The following DGKD variants were observed in gnomAD, a reference collection of about 807,000 sequenced individuals.
DGKD encodes DAG kinase delta.
In DGKD, 68 loss-of-function variants were observed where a neutral mutation model predicts 154.4. That is an observed-to-expected ratio of 0.44 (90% CI 0.36 to 0.54). DGKD has a LOEUF of 0.54. Ranked by LOEUF, DGKD falls within the 20% of genes least tolerant of loss-of-function variation. DGKD has a pLI of 0.00. For synonymous variants in DGKD, 693 were observed against 638.0 expected (o/e 1.09, Z -1.30); for missense variants, 1,343 against 1,593.6 (o/e 0.84, Z 2.68).
At position 233,456,965 on chromosome 2, in the gene DGKD, C is replaced by T. The variant is rs1293316471; in HGVS notation, c.2442C>T (p.Tyr814=). The T allele has an allele frequency of 1.9e-6, 3 of 1,614,064 alleles. No homozygotes were observed. The highest frequency in any genetic ancestry group is 3.3e-5 in the Admixed American group (2 of 60,006). Residue 814 remains tyrosine (Y), a synonymous_variant, in exon 20 of 30, where the codon TAC becomes TAT. Transcript: ENST00000264057. ...LGTKELLHRT[Y]KNLEQKVLLE... ...CCAAAGAGTTGCTGCACAGAACCTA[C>T]AAGAACCTGGAGCAAAAGGTCTTGC...
chr2:233,464,286 A>T lies in DGKD; in HGVS notation c.3306+3A>T. ...CCGCAGAGCCCGGCGACGAAGAGGT[A>T]TGTGGCTCATAGGGCTGTGCCTGGG... On this transcript the variant is annotated splice_donor_region_variant and intron_variant, in intron 27 of 29. Coordinates refer to ENST00000264057, the MANE Select transcript of DGKD (RefSeq NM_152879.3). 6.2e-7 allele frequency: 1 copy of T among 1,613,480 alleles called. No individual in the cohort carries two copies. Among genetic ancestry groups the T allele is most frequent in the South Asian group, 1.1e-5 (1 of 91,080 alleles).
At chr2:233,462,505 C>T (rs773417872) in intron 25 of DGKD, 46 bp downstream of exon 25, 25 of 1,556,404 alleles carry the variant, frequency 1.6e-5, no homozygotes, top group Non-Finnish European at 2.1e-5. Flanking sequence ...TCAGTGTCTG[C>T]CGCCCTCGGC....
chr2:233,402,725 T>G (rs557197570), intron 3 of DGKD, among the ~76,000 whole-genome samples: 1 of 152,310 alleles, frequency 6.6e-6, no homozygotes, highest in Non-Finnish European at 1.5e-5. Context: ...CTGGAAAACT[T>G]GTTTATCCCA....
At chr2:233,394,475 A>G (rs1236116296) in intron 3 of DGKD, among the ~76,000 whole-genome samples, 6 of 151,604 alleles carry the variant, frequency 4.0e-5, no homozygotes, top group Admixed American at 3.3e-4. Context: ...AACTCCTGGC[A>G]TCAAGTGATC....
chr2:233,385,525 G>T (rs2125429464), intron 1 of DGKD, among the ~76,000 whole-genome samples: 1 of 152,318 alleles, frequency 6.6e-6, no homozygotes, highest in Middle Eastern at 3.4e-3. Flanking sequence ...TTTTGTTTGT[G>T]CATAGAACCC....
intron 1 of DGKD, among the ~76,000 whole-genome samples, chr2:233,372,793 G>C (rs6759246): frequency 0.22 from 33,150 of 152,000 alleles, 4,239 homozygotes; most frequent in African/African-American, 0.36. Context: ...AACCATTTGG[G>C]AAAGTGACTT....
chr2:233,371,742 C>A (rs34689708), intron 1 of DGKD, among the ~76,000 whole-genome samples: 16,821 of 152,202 alleles, frequency 0.11, 1,163 homozygotes, highest in South Asian at 0.33. Context: ...CAACTTCATT[C>A]TTCCTGTGTG....
intron 11 of DGKD, among the ~76,000 whole-genome samples, chr2:233,446,470 A>G (rs762360344): frequency 3.9e-5 from 6 of 152,226 alleles, no homozygotes; most frequent in Non-Finnish European, 8.8e-5. Context: ...GCAGCATCTT[A>G]TCTCAAGGTA....
At chr2:233,467,438 T>C (rs1284443984) in intron 28 of DGKD, among the ~76,000 whole-genome samples, 2 of 152,188 alleles carry the variant, frequency 1.3e-5, no homozygotes, top group Non-Finnish European at 2.9e-5. Flanking sequence ...GCTTTCTGCC[T>C]GCCCTGAGTT....
At position 233,360,280 on chromosome 2, in the gene DGKD, TC is replaced by T. The variant is rs372207531; in HGVS notation, c.156+5607del. On this transcript the variant is annotated intron_variant, in intron 1 of 29. Coordinates refer to ENST00000264057, the MANE Select transcript of DGKD (RefSeq NM_152879.3). ...TTTAAAAAAATTTTTTTTCTTTTTT[TC>T]TGAGACAGGGTCTTGCTCGGTCGTC... Among the ~76,000 whole-genome samples the T allele has an allele frequency of 3.2e-3, 485 of 152,122 alleles. 2 individuals are homozygous for T. Among genetic ancestry groups the T allele is most frequent in the African/African-American group, 0.011 (450 of 41,492 alleles).
intron 1 of DGKD, among the ~76,000 whole-genome samples, chr2:233,368,491 G>A (rs748583859): frequency 6.6e-5 from 10 of 152,120 alleles, no homozygotes; most frequent in Admixed American, 3.9e-4. Context: ...CAGGCTGGGC[G>A]ACAGAGCGAG....
intron 19 of DGKD, among the ~76,000 whole-genome samples, chr2:233,456,071 C>G (rs1018256885): frequency 7.2e-5 from 11 of 152,156 alleles, no homozygotes; most frequent in African/African-American, 2.7e-4. Context: ...GCTTTGGAAC[C>G]CTGGTCAAAC....
rs191924143 is a variant in DGKD, at chr2:233,380,026, T to C, written c.157-8231T>C. On this transcript the variant is annotated intron_variant, in intron 1 of 29. Transcript: ENST00000264057. Reference sequence around the variant, plus strand: ...GTCTGGGTCACACGTTGAGAGGCACTGAGGCAGAGACAAGAGGCAGAACAA... The same window carrying C: ...GTCTGGGTCACACGTTGAGAGGCACCGAGGCAGAGACAAGAGGCAGAACAA... 4.4e-4 allele frequency: 67 copies of C among 152,296 alleles called. 1 individual carries two copies. Among genetic ancestry groups the C allele is most frequent in the African/African-American group, 1.5e-3 (64 of 41,526 alleles). 9.4% of individuals were successfully genotyped at this position (152,296 alleles called of 1,614,324 possible). A position where few individuals can be genotyped will look rare whatever the true frequency, so the allele number is the denominator to read the frequency against.
intron 8 of DGKD, 130 bp downstream of exon 8, chr2:233,437,609 G>C: frequency 4.4e-6 from 4 of 915,504 alleles, no homozygotes; most frequent in Non-Finnish European, 6.8e-6. Context: ...ACAGCTGTTG[G>C]GGGTGCTGGA....
intron 3 of DGKD, among the ~76,000 whole-genome samples, chr2:233,424,847 T>C (rs528167171): frequency 1.4e-4 from 21 of 152,326 alleles, no homozygotes; most frequent in Non-Finnish European, 2.5e-4. Flanking sequence ...AGCCAAACTG[T>C]CCCTTGTTCT....
chr2:233,370,773 T>G (rs1014108975), intron 1 of DGKD, among the ~76,000 whole-genome samples: 3 of 151,794 alleles, frequency 2.0e-5, no homozygotes, highest in African/African-American at 7.3e-5. Flanking sequence ...TTTAAATTTT[T>G]GAGACAGGGT....
intron 3 of DGKD, among the ~76,000 whole-genome samples, chr2:233,394,208 A>T (rs930961407): frequency 6.6e-6 from 1 of 152,242 alleles, no homozygotes; most frequent in Admixed American, 6.5e-5. Flanking sequence ...AATATTGAGT[A>T]ATCATTTGTT....
Position 233,454,778 on chromosome 2 carries a change from G to A in DGKD, c.2280G>A (p.Glu760=). 6.2e-7 allele frequency: 1 copy of A among 1,610,994 alleles called. No homozygotes were observed. Residue 760 remains glutamate, a synonymous_variant, in exon 19 of 30, where the codon GAG becomes GAA. Transcript: ENST00000264057. The part of the protein sequence containing the change: ...SEPETLEYYT[E]KCVMNNYFGI... ...ACCTTTGCAGAGAGTATTACACGGA[G>A]AAATGTGTCATGAACAACTATTTTG...
At chr2:233,387,210 A>G (rs1212028384) in intron 1 of DGKD, among the ~76,000 whole-genome samples, 2 of 152,190 alleles carry the variant, frequency 1.3e-5, no homozygotes, top group Non-Finnish European at 2.9e-5. Context: ...TTGTACATGC[A>G]CTGTTTGAAA....
Sources: allele counts gnomAD v4.1 joint callset (sites outside exome capture counted in the v4.1 genomes callset), GRCh38; gene constraint gnomAD v4.1.1; transcripts MANE v1.5; gene names NCBI Gene and HGNC (gene_info 2026-07-23, HGNC 2026-07-21).